Variants in VAV2 observed in about 807,000 individuals in gnomAD.
The protein encoded by VAV2 is vav guanine nucleotide exchange factor 2, also known as guanine nucleotide exchange factor VAV2.
Under a neutral mutation model 132.5 loss-of-function variants are expected in VAV2, and 67 were observed. The observed-to-expected ratio is 0.51, with a 90% confidence interval of 0.42 to 0.62. The LOEUF is 0.62. VAV2 is among the 20% of genes least tolerant of loss of function. VAV2 has a pLI of 0.00. For synonymous variants in VAV2, 492 were observed against 443.5 expected (o/e 1.11, Z -1.37); for missense variants, 938 against 1,153.6 (o/e 0.81, Z 2.71).
At chr9:133,838,292 G>A (rs1212756606) in intron 3 of VAV2, among the ~76,000 whole-genome samples, 1 of 151,700 alleles carries the variant, frequency 6.6e-6, no homozygotes, top group Non-Finnish European at 1.5e-5. Flanking sequence ...CAGTCTCTCA[G>A]CTTGGGTCTG....
chr9:133,829,619 C>T (rs1588236946), intron 4 of VAV2, among the ~76,000 whole-genome samples: 1 of 152,172 alleles, frequency 6.6e-6, no homozygotes, highest in African/African-American at 2.4e-5. Flanking sequence ...TTTGAATATG[C>T]TGGGTTAACT....
At chr9:133,782,443 T>C (rs1834044802) in intron 19 of VAV2, among the ~76,000 whole-genome samples, 1 of 152,124 alleles carries the variant, frequency 6.6e-6, no homozygotes, top group South Asian at 2.1e-4. Flanking sequence ...TGTGCACAGC[T>C]AGGGGGCTGC....
intron 2 of VAV2, among the ~76,000 whole-genome samples, chr9:133,906,019 A>G (rs1839637903): frequency 1.3e-5 from 2 of 152,210 alleles, no homozygotes. Context: ...AGCCTGGGCA[A>G]CAGAGTGAGA....
At chr9:133,792,217 T>C (rs796341446) in intron 12 of VAV2, among the ~76,000 whole-genome samples, 8,787 of 60,026 alleles carry the variant, frequency 0.15, 12 homozygotes, top group South Asian at 0.18. Context: ...TGTGAGCTGG[T>C]TGTGCTGGTT....
At chr9:133,986,975 G>A (rs907950658) in intron 1 of VAV2, among the ~76,000 whole-genome samples, 12 of 151,602 alleles carry the variant, frequency 7.9e-5, no homozygotes, top group African/African-American at 2.7e-4. Flanking sequence ...AGCCTGCGTG[G>A]CACACAGCAG....
intron 2 of VAV2, among the ~76,000 whole-genome samples, chr9:133,894,290 C>T (rs1285625125): frequency 6.6e-6 from 1 of 152,218 alleles, no homozygotes; most frequent in East Asian, 1.9e-4. Flanking sequence ...GCCATCAGCA[C>T]CGGCTGCAGC....
chr9:133,951,209 C>T (rs1841548902), intron 1 of VAV2, among the ~76,000 whole-genome samples: 1 of 152,200 alleles, frequency 6.6e-6, no homozygotes, highest in Non-Finnish European at 1.5e-5. Flanking sequence ...AGGTGGGAGG[C>T]GGCCTCTTCC....
intron 3 of VAV2, among the ~76,000 whole-genome samples, chr9:133,844,176 C>G (rs1213331625): frequency 6.6e-6 from 1 of 152,216 alleles, no homozygotes; most frequent in Non-Finnish European, 1.5e-5. Flanking sequence ...CCTGGCGTGG[C>G]TGCTGATTAC....
At chr9:133,887,604 G>A (rs549089801) in intron 2 of VAV2, among the ~76,000 whole-genome samples, 63 of 151,356 alleles carry the variant, frequency 4.2e-4, no homozygotes, top group African/African-American at 1.4e-3. Context: ...TTCCCCACGC[G>A]CCTCCCTGGG....
chr9:133,939,430 G>A (rs1389885342), intron 1 of VAV2: 2 of 594,058 alleles, frequency 3.4e-6, no homozygotes, highest in Admixed American at 2.9e-5. Flanking sequence ...CTGGATGGAA[G>A]TGGAAGCAGG....
chr9:133,763,624 A>G lies in VAV2; in HGVS notation c.*438T>C, dbSNP rs996441755. 2.3e-4 allele frequency: 42 copies of G among 178,754 alleles called. No homozygotes were observed. Among genetic ancestry groups the G allele is most frequent in the African/African-American group, 9.8e-4 (41 of 42,014 alleles). 11.1% of individuals were successfully genotyped at this position (178,754 alleles called of 1,614,324 possible). A position where few individuals can be genotyped will look rare whatever the true frequency, so the allele number is the denominator to read the frequency against. On this transcript the variant is annotated 3_prime_UTR_variant, in exon 30 of 30. Transcript: ENST00000371850. The surrounding 1 kb of genome is among the most constrained non-coding windows in gnomAD (Gnocchi z 6.8). Reference sequence around the variant, plus strand: ...CAGCAGGAAAAGACAGGCAAGGCTGAGTCCAGGGGCTGAGCAGAGGGTGTG... The same window carrying G: ...CAGCAGGAAAAGACAGGCAAGGCTGGGTCCAGGGGCTGAGCAGAGGGTGTG...
chr9:133,933,803 GAAT>G, intron 2 of VAV2, among the ~76,000 whole-genome samples: 1 of 149,810 alleles, frequency 6.7e-6, no homozygotes, highest in Non-Finnish European at 1.5e-5. Context: ...GTGGATGGAT[GAAT>G]GATGGATGAA....
chr9:133,950,803 T>C (rs1368577903), intron 1 of VAV2, among the ~76,000 whole-genome samples: 2 of 152,116 alleles, frequency 1.3e-5, no homozygotes, highest in Admixed American at 6.5e-5. Flanking sequence ...CTCTTGTCTC[T>C]GCCACCTCAT....
At chr9:133,902,998 C>G in intron 2 of VAV2, among the ~76,000 whole-genome samples, 1 of 151,056 alleles carries the variant, frequency 6.6e-6, no homozygotes, top group Non-Finnish European at 1.5e-5. Context: ...TCACTTGAAC[C>G]CGGGAAGTAG....
At chr9:133,773,610 A>AT (rs34784620) in intron 25 of VAV2, among the ~76,000 whole-genome samples, 56,309 of 151,816 alleles carry the variant, frequency 0.37, 11,009 homozygotes, top group Non-Finnish European at 0.44. Context: ...AAGATATTTT[A>AT]TTCTTTGTAT....
chr9:133,846,113 G>T (rs189429451), intron 3 of VAV2, among the ~76,000 whole-genome samples: 1 of 152,324 alleles, frequency 6.6e-6, no homozygotes, highest in Admixed American at 6.5e-5. Context: ...CACAAGATGG[G>T]GTTCCGTCTC....
chr9:133,787,143 C>A, intron 16 of VAV2, 103 bp downstream of exon 16: 4 of 1,320,048 alleles, frequency 3.0e-6, no homozygotes, highest in South Asian at 2.1e-5. Flanking sequence ...AAACCCTGAG[C>A]CCAGCCCCTC....
chr9:133,844,337 C>G (rs1007709268), intron 3 of VAV2, among the ~76,000 whole-genome samples: 2 of 152,206 alleles, frequency 1.3e-5, no homozygotes, highest in Non-Finnish European at 2.9e-5. Flanking sequence ...ATGCAGAGCC[C>G]CCGAAGCTAC....
At chr9:133,835,686 C>T (rs1262299470) in intron 3 of VAV2, among the ~76,000 whole-genome samples, 1 of 152,202 alleles carries the variant, frequency 6.6e-6, no homozygotes, top group East Asian at 1.9e-4. Context: ...CTGACATTTG[C>T]TCAGCCCGAG....
Sources: allele counts gnomAD v4.1 joint callset (sites outside exome capture counted in the v4.1 genomes callset), GRCh38; gene constraint gnomAD v4.1.1; non-coding constraint Gnocchi (gnomAD v3.1); transcripts MANE v1.5; gene names NCBI Gene and HGNC (gene_info 2026-07-23, HGNC 2026-07-21).